The following NINJ2 variants were observed in gnomAD, a reference collection of about 807,000 sequenced individuals.
NINJ2 encodes the protein ninjurin-2.
In NINJ2, 12 loss-of-function variants were observed where a neutral mutation model predicts 11.7. The observed-to-expected ratio is 1.02, with a 90% CI of 0.66 to 1.66. The LOEUF (loss-of-function observed/expected upper bound fraction) is 1.66. NINJ2 is among the 40% of genes most tolerant of loss of function. NINJ2 has a pLI of 0.00. For synonymous variants in NINJ2, 93 were observed against 76.8 expected, an observed-to-expected ratio of 1.21 and a Z score of -1.10; for missense variants, 187 against 181.8, an observed-to-expected ratio of 1.03 and a Z score of -0.16.
intron 1 of NINJ2, among the ~76,000 whole-genome samples, chr12:652,457 A>G (rs1237717380): frequency 6.6e-6 from 1 of 152,180 alleles, no homozygotes; most frequent in Non-Finnish European, 1.5e-5. Context: ...GAAGCTGGGC[A>G]TGGTGGCTCA....
rs1947907909 is a variant in NINJ2 at position 604,217 on chromosome 12, G to T, written c.34-38039C>A. 3.3e-5 allele frequency among the ~76,000 whole-genome samples: 5 copies of T among 152,316 alleles called. No homozygotes were observed. The South Asian group carries it at 1.0e-3, about 32-fold the overall frequency. Reference sequence around the variant, plus strand: ...CCGCATTAAATCTGTAGACCAATTTGGGGAGTATCGCTATCTTAACAACAG... The same window carrying T: ...CCGCATTAAATCTGTAGACCAATTTTGGGAGTATCGCTATCTTAACAACAG... On this transcript the variant is annotated intron_variant, in intron 1 of 3. Coordinates refer to ENST00000305108, the MANE Select transcript of NINJ2 (RefSeq NM_016533.6).
intron 1 of NINJ2, among the ~76,000 whole-genome samples, chr12:594,523 C>T (rs1164809271): frequency 6.6e-6 from 1 of 152,188 alleles, no homozygotes; most frequent in Non-Finnish European, 1.5e-5. Flanking sequence ...TGCTGTGGCT[C>T]ATGACTGTAA....
In NINJ2 at chr12:580,962, TTGTG is replaced by T. The variant is rs1264120198; in HGVS notation, c.34-14788_34-14785del. Among the ~76,000 whole-genome samples, 1 of 149,066 alleles carries T rather than the reference TTGTG, an allele frequency of 6.7e-6. No individual in the cohort carries two copies. The highest frequency in any genetic ancestry group is 2.5e-5 in the African/African-American group (1 of 40,292). On this transcript the variant is annotated intron_variant, in intron 1 of 3. Transcript: ENST00000305108. This position sits in a 1 kb window ranked among gnomAD's most constrained non-coding sequence, Gnocchi z 4.7. The stretch of plus-strand genomic sequence containing the variant: ...TGTGTCTGTGTGTATTCATGTGTGT[TTGTG>T]TGTATGTGTGTGTCCATGTCTCTGT...
chr12:651,356 C>T (rs60740061), intron 1 of NINJ2, among the ~76,000 whole-genome samples: 5,011 of 152,262 alleles, frequency 0.033, 270 homozygotes, highest in African/African-American at 0.11. Context: ...CCGATTGCAG[C>T]GCACTCTAGC....
intron 1 of NINJ2, among the ~76,000 whole-genome samples, chr12:650,983 T>A (rs1048024703): frequency 6.6e-6 from 1 of 152,098 alleles, no homozygotes; most frequent in Non-Finnish European, 1.5e-5. Flanking sequence ...CAAGGGCAAT[T>A]CTCCTCGGGA....
intron 1 of NINJ2, among the ~76,000 whole-genome samples, chr12:583,777 C>T (rs1428154651): frequency 6.6e-6 from 1 of 152,188 alleles, no homozygotes; most frequent in Non-Finnish European, 1.5e-5. Flanking sequence ...AGGACGCGGA[C>T]ACTTAGAACC....
chr12:623,770 A>G (rs1316081892), intron 1 of NINJ2, among the ~76,000 whole-genome samples: 1 of 152,250 alleles, frequency 6.6e-6, no homozygotes, highest in African/African-American at 2.4e-5. Context: ...ATGGTGGCTC[A>G]TGCCTGCAAT....
chr12:635,180 A>T (rs1273645432), intron 1 of NINJ2, among the ~76,000 whole-genome samples: 1 of 151,576 alleles, frequency 6.6e-6, no homozygotes, highest in Non-Finnish European at 1.5e-5. Context: ...CAGCCTCCTG[A>T]GTAGCTGGGA....
chr12:612,904 G>C (rs1388378591), intron 1 of NINJ2, among the ~76,000 whole-genome samples: 3 of 152,238 alleles, frequency 2.0e-5, no homozygotes, highest in Non-Finnish European at 4.4e-5. Context: ...TAGATAGACA[G>C]ATTGATCGCC....
chr12:601,360 C>A lies in NINJ2; in HGVS notation c.34-35182G>T, dbSNP rs528768494. Among the ~76,000 whole-genome samples, 1,344 of 147,798 alleles carry A rather than the reference C, an allele frequency of 9.1e-3. 12 individuals are homozygous for A. Among genetic ancestry groups the A allele is most frequent in the South Asian group, 0.036 (166 of 4,674 alleles). On this transcript the variant is annotated intron_variant, in intron 1 of 3. Coordinates refer to ENST00000305108, the MANE Select transcript of NINJ2 (RefSeq NM_016533.6). Reference sequence around the variant, plus strand: ...AGGAGATCGAGACCATCCTGGCTAACACAGTGAAACCCCGTCTCTACTAAA... The same window carrying A: ...AGGAGATCGAGACCATCCTGGCTAAAACAGTGAAACCCCGTCTCTACTAAA...
chr12:601,278 G>C (rs78787727), intron 1 of NINJ2, among the ~76,000 whole-genome samples: 2 of 152,346 alleles, frequency 1.3e-5, no homozygotes, highest in Non-Finnish European at 1.5e-5. Context: ...CGGGCGCAGT[G>C]GCTCACGCCT....
intron 1 of NINJ2, among the ~76,000 whole-genome samples, chr12:620,281 T>C (rs965218521): frequency 6.6e-6 from 1 of 152,264 alleles, no homozygotes; most frequent in Non-Finnish European, 1.5e-5. Context: ...CTAGGAGCTT[T>C]GTTTTCCTAG....
chr12:657,338 C>T (rs1334477311), intron 1 of NINJ2, among the ~76,000 whole-genome samples: 1 of 152,120 alleles, frequency 6.6e-6, no homozygotes, highest in Admixed American at 6.6e-5. Context: ...ACCTGTAATC[C>T]CAGCACTTTG....
intron 1 of NINJ2, among the ~76,000 whole-genome samples, chr12:601,978 G>C (rs183400998): frequency 3.9e-5 from 6 of 152,310 alleles, no homozygotes; most frequent in African/African-American, 1.2e-4. Context: ...CCATTTTAAG[G>C]TACTGACATC....
intron 1 of NINJ2, among the ~76,000 whole-genome samples, chr12:568,931 G>A (rs1306565354): frequency 8.3e-6 from 1 of 119,882 alleles, no homozygotes; most frequent in Non-Finnish European, 1.6e-5. Context: ...CTCACAACAG[G>A]CCCTGGCAAA....
intron 1 of NINJ2, among the ~76,000 whole-genome samples, chr12:601,312 T>G (rs189413645): frequency 1.4e-5 from 2 of 147,310 alleles, no homozygotes; most frequent in African/African-American, 5.0e-5. Context: ...TTTGGGAGGC[T>G]GAGGCGGGCG....
At chr12:606,989 C>T (rs148593271) in intron 1 of NINJ2, among the ~76,000 whole-genome samples, 1 of 152,220 alleles carries the variant, frequency 6.6e-6, no homozygotes, top group Non-Finnish European at 1.5e-5. Context: ...CCCAACTCTT[C>T]CGGAGGCCCG....
At chr12:594,293 C>G (rs1160019561) in intron 1 of NINJ2, among the ~76,000 whole-genome samples, 1 of 152,142 alleles carries the variant, frequency 6.6e-6, no homozygotes, top group East Asian at 1.9e-4. Context: ...CATTGTTTTC[C>G]TATAGATCAT....
intron 1 of NINJ2, among the ~76,000 whole-genome samples, chr12:659,149 A>G (rs1937922254): frequency 6.6e-6 from 1 of 151,658 alleles, no homozygotes; most frequent in South Asian, 2.1e-4. Context: ...TACTTTGCCT[A>G]TAGACCTTCT....
Sources: gnomAD v4.1 joint callset for allele counts (sites outside exome capture counted in the v4.1 genomes callset) on GRCh38, gnomAD v4.1.1 for gene constraint, Gnocchi (gnomAD v3.1) non-coding constraint, MANE v1.5 for transcripts, NCBI Gene and HGNC (gene_info 2026-07-23, HGNC 2026-07-21) for gene names.